Variants in MYO9A observed in about 807,000 individuals in gnomAD.
The protein encoded by MYO9A is unconventional myosin-IXa.
Under a neutral mutation model 293.3 loss-of-function variants are expected in MYO9A, and 103 were observed. The ratio of observed to expected loss-of-function variants is 0.35; its 90% CI spans 0.30 to 0.41. The LOEUF is 0.41. Ranked by LOEUF, MYO9A falls within the 10% of genes least tolerant of loss-of-function variation. The pLI is 1.00. For synonymous variants in MYO9A, 1,001 were observed against 1,035.7 expected (o/e 0.97, Z 0.64); for missense variants, 2,685 against 3,033.0 (o/e 0.89, Z 2.69).
At chr15:71,957,842 T>A (rs544100529) in intron 14 of MYO9A, among the ~76,000 whole-genome samples, 8 of 152,316 alleles carry the variant, frequency 5.3e-5, no homozygotes, top group African/African-American at 1.9e-4. Context: ...ATGGCACAGC[T>A]GAATTACCCA....
chr15:72,047,988 A>G (rs944147556), intron 1 of MYO9A, among the ~76,000 whole-genome samples: 3 of 151,484 alleles, frequency 2.0e-5, no homozygotes, highest in Admixed American at 6.6e-5. Flanking sequence ...CCAGGGTACT[A>G]TCTATCCTCT....
chr15:71,894,651 ATTG>A (rs2143007888), intron 25 of MYO9A, among the ~76,000 whole-genome samples: 1 of 152,294 alleles, frequency 6.6e-6, no homozygotes, highest in South Asian at 2.1e-4. Flanking sequence ...AGGGTAAGAA[ATTG>A]TTATCAAACT....
intron 18 of MYO9A, among the ~76,000 whole-genome samples, chr15:71,917,008 T>A (rs909521897): frequency 6.6e-6 from 1 of 152,226 alleles, no homozygotes; most frequent in Non-Finnish European, 1.5e-5. Flanking sequence ...ACAGGCAGTA[T>A]GTACCGCAAG....
intron 15 of MYO9A, among the ~76,000 whole-genome samples, chr15:71,945,501 G>A (rs530711921): frequency 5.9e-5 from 9 of 152,202 alleles, no homozygotes; most frequent in South Asian, 2.1e-4. Context: ...TGACATCTAG[G>A]AGGCTGGCTG....
intron 28 of MYO9A, among the ~76,000 whole-genome samples, 192 bp from the exon 29 acceptor site, chr15:71,880,750 C>G (rs564437829): frequency 5.3e-5 from 8 of 152,244 alleles, no homozygotes; most frequent in African/African-American, 1.9e-4. Context: ...GTACAGAAAG[C>G]GTATTTAAAA....
chr15:72,041,106 G>A, intron 2 of MYO9A: 2 of 544,356 alleles, frequency 3.7e-6, no homozygotes, highest in Admixed American at 2.2e-5. Context: ...TTAGCCAGGT[G>A]TGGTGGTACA....
intron 18 of MYO9A, among the ~76,000 whole-genome samples, chr15:71,925,931 C>T (rs762926261): frequency 3.9e-5 from 6 of 152,164 alleles, no homozygotes; most frequent in East Asian, 1.9e-4. Context: ...ATTTTTATCA[C>T]GGTAGTTATC....
intron 1 of MYO9A, among the ~76,000 whole-genome samples, chr15:72,103,397 CAGCAGCA>C (rs1223605590): frequency 8.5e-5 from 12 of 141,656 alleles, no homozygotes; most frequent in African/African-American, 2.2e-4. Flanking sequence ...GCAGCAGAAG[CAGCAGCA>C]AGCAGCAAGC....
intron 30 of MYO9A, among the ~76,000 whole-genome samples, chr15:71,878,705 G>A (rs12907359): frequency 6.8e-6 from 1 of 147,562 alleles, no homozygotes; most frequent in Non-Finnish European, 1.5e-5. Flanking sequence ...GCAAGGAACT[G>A]AAATAGAATT....
At chr15:72,114,848 A>G (rs2080910923) in intron 1 of MYO9A, among the ~76,000 whole-genome samples, 1 of 152,240 alleles carries the variant, frequency 6.6e-6, no homozygotes. Flanking sequence ...CTGAGTTAAC[A>G]TAACCAAAAA....
At chr15:71,853,791 G>A (rs998395123) in intron 35 of MYO9A, among the ~76,000 whole-genome samples, 3 of 152,212 alleles carry the variant, frequency 2.0e-5, no homozygotes, top group East Asian at 3.8e-4. Flanking sequence ...TTGAGTAACT[G>A]TCATCAGTGT....
chr15:72,082,443 T>C (rs1157903746), intron 1 of MYO9A, among the ~76,000 whole-genome samples: 1 of 152,228 alleles, frequency 6.6e-6, no homozygotes, highest in Non-Finnish European at 1.5e-5. Context: ...TGAGGTTTTC[T>C]AAATATAGTC....
Position 72,056,004 on chromosome 15 carries a change from G to C in MYO9A, c.-71-9370C>G, listed in dbSNP as rs543690955. Among the ~76,000 whole-genome samples, 13 of 152,274 alleles carry C rather than the reference G, an allele frequency of 8.5e-5. No homozygotes were observed. In the East Asian group the frequency reaches 2.3e-3, roughly 27 times the overall value. On this transcript the variant is annotated intron_variant, in intron 1 of 41. Transcript: ENST00000356056. ...GCACTTTAGGAGGCCAAGGCAGGTGGATCACCTGAGGTCAGGAGTTCGAGA... is the reference window on the plus strand; with the variant it reads ...GCACTTTAGGAGGCCAAGGCAGGTGCATCACCTGAGGTCAGGAGTTCGAGA...
At chr15:71,957,045 T>A (rs1014131567) in intron 14 of MYO9A, among the ~76,000 whole-genome samples, 1 of 152,134 alleles carries the variant, frequency 6.6e-6, no homozygotes, top group African/African-American at 2.4e-5. Flanking sequence ...ATTAGAAAGA[T>A]GTTGTAAAGA....
intron 10 of MYO9A, 130 bp from the exon 11 acceptor site, chr15:71,991,367 T>C: frequency 1.7e-6 from 1 of 581,932 alleles, no homozygotes; most frequent in Non-Finnish European, 2.8e-6. Flanking sequence ...TTGGCCAGTA[T>C]TCAAAACATA....
At chr15:71,979,709 CA>C (rs1261609103) in intron 11 of MYO9A, among the ~76,000 whole-genome samples, 1 of 152,148 alleles carries the variant, frequency 6.6e-6, no homozygotes, top group African/African-American at 2.4e-5. Context: ...ACATATGGCC[CA>C]AAAAGCCTTA....
Position 71,919,955 on chromosome 15 carries a change from A to G in MYO9A, c.2563-3463T>C, listed in dbSNP as rs531697000. Reference sequence around the variant, plus strand: ...CCTAACAATAACCTGGTCAATCAACAAATGTTCAGAGTCATTACTAAAGGT... The same window carrying G: ...CCTAACAATAACCTGGTCAATCAACGAATGTTCAGAGTCATTACTAAAGGT... On this transcript the variant is annotated intron_variant, in intron 18 of 41. Transcript: ENST00000356056. 1.9e-4 allele frequency among the ~76,000 whole-genome samples: 29 copies of G among 152,272 alleles called. 1 individual carries two copies. The highest frequency in any genetic ancestry group is 6.0e-4 in the African/African-American group (25 of 41,570).
At position 72,041,513 on chromosome 15, in the gene MYO9A, T is replaced by A. The variant is rs2078225110; in HGVS notation, c.840+4211A>T. 3 of 351,458 alleles carry A rather than the reference T, an allele frequency of 8.5e-6. No individual in the cohort carries two copies. In the Admixed American group the frequency reaches 1.2e-4, roughly 14 times the overall value. The allele number at this position is 351,458 out of a possible 1,614,324, so 21.8% of individuals were successfully genotyped here. On this transcript the variant is annotated intron_variant, in intron 2 of 41. Coordinates refer to ENST00000356056, the MANE Select transcript of MYO9A (RefSeq NM_006901.4). ...CCTTGGCATGACCAAGTTTTCCAGTTTTGGAAGTTAACATCTTCACTATTT... is the reference window on the plus strand; with the variant it reads ...CCTTGGCATGACCAAGTTTTCCAGTATTGGAAGTTAACATCTTCACTATTT...
chr15:71,951,090 T>C (rs999196304), intron 15 of MYO9A, among the ~76,000 whole-genome samples: 17 of 152,168 alleles, frequency 1.1e-4, no homozygotes, highest in African/African-American at 3.9e-4. Flanking sequence ...AAAAAGAACA[T>C]GCACCATGAT....
Sources: allele counts gnomAD v4.1 joint callset (sites outside exome capture counted in the v4.1 genomes callset), GRCh38; gene constraint gnomAD v4.1.1; transcripts MANE v1.5; gene names NCBI Gene and HGNC (gene_info 2026-07-23, HGNC 2026-07-21).